CCDC136: variants seen among roughly 807,000 people sequenced by gnomAD.
The protein encoded by CCDC136 is coiled-coil domain-containing protein 136.
CCDC136 carries 100 observed loss-of-function variants against 141.2 expected under a neutral mutation model. That is an observed-to-expected ratio of 0.71 (90% CI 0.60 to 0.84). CCDC136 has a LOEUF of 0.84. Ranked by LOEUF, CCDC136 falls within the 40% of genes least tolerant of loss-of-function variation. The pLI is 0.00. For missense variants in CCDC136, 1,206 were observed against 1,379.4 expected, an observed-to-expected ratio of 0.87 and a Z score of 1.99; for synonymous variants, 474 against 531.9, an observed-to-expected ratio of 0.89 and a Z score of 1.50.
At chr7:128,815,572 C>A in intron 15 of CCDC136, 42 bp from the exon 16 acceptor site, 6 of 1,518,350 alleles carry the variant, frequency 4.0e-6, no homozygotes, top group Non-Finnish European at 5.3e-6. Flanking sequence ...AGGAGCTTCA[C>A]AGGTAACGCA....
intron 13 of CCDC136, 66 bp downstream of exon 13, chr7:128,812,378 C>T (rs1463356393): frequency 2.3e-5 from 35 of 1,501,296 alleles, no homozygotes; most frequent in Admixed American, 3.9e-5. Flanking sequence ...AGAGATACAT[C>T]GCCAGGGGAA....
rs1050024704 is a variant in CCDC136, at chr7:128,808,696, C to G, written c.1606-754C>G. The stretch of plus-strand genomic sequence containing the variant: ...AGGTTATTTGGGCCACCTCAGCAGT[C>G]TCTTTGCCTTTCTATATCCAGGCTC... On this transcript the variant is annotated intron_variant, in intron 10 of 17. Transcript: ENST00000297788. The G allele has an allele frequency of 7.7e-5, 76 of 985,452 alleles. No homozygotes were observed. In the African/African-American group the frequency reaches 1.2e-3, roughly 16 times the overall value. The allele number at this position is 985,452 out of a possible 1,614,324, so 61.0% of individuals were successfully genotyped here. A position where few individuals can be genotyped will look rare whatever the true frequency, so the allele number is the denominator to read the frequency against.
At chr7:128,799,939 A>G (rs1013426934) in intron 3 of CCDC136, among the ~76,000 whole-genome samples, 1 of 152,226 alleles carries the variant, frequency 6.6e-6, no homozygotes, top group African/African-American at 2.4e-5. Context: ...TTAACTCATT[A>G]TTTTGTAAAT....
In CCDC136 at chr7:128,817,204, C is replaced by T. The variant is rs547624375; in HGVS notation, c.3364-554C>T. On this transcript the variant is annotated intron_variant, in intron 16 of 17. Coordinates refer to ENST00000297788, the MANE Select transcript of CCDC136 (RefSeq NM_022742.5). The surrounding 1 kb of genome is among the most constrained non-coding windows in gnomAD (Gnocchi z 4.6). ...CATGTGTATTACCACCTTGCAAAAT[C>T]GGTTTCTCTCTGGAAGATTGTTGCA... 1.3e-5 allele frequency among the ~76,000 whole-genome samples: 2 copies of T among 152,282 alleles called. No homozygotes were observed. Among genetic ancestry groups the T allele is most frequent in the South Asian group, 4.1e-4 (2 of 4,824 alleles).
intron 10 of CCDC136, 80 bp from the exon 11 acceptor site, chr7:128,809,370 G>C (rs1805353432): frequency 1.1e-6 from 1 of 929,954 alleles, no homozygotes; most frequent in African/African-American, 1.6e-5. Flanking sequence ...AGGCAGGAGA[G>C]CGCAGAAGTG....
intron 14 of CCDC136, 137 bp downstream of exon 14, chr7:128,813,066 C>A: frequency 1.6e-6 from 1 of 633,892 alleles, no homozygotes; most frequent in Non-Finnish European, 2.8e-6. Flanking sequence ...CTGCTCCATC[C>A]CTGATGACAT....
In CCDC136 at chr7:128,811,797, CA is replaced by C. The variant is rs754201067; in HGVS notation, c.2029-2del. 4.5e-6 allele frequency: 7 copies of C among 1,566,684 alleles called. No homozygotes were observed. In the Admixed American group the frequency reaches 1.4e-4, roughly 31 times the overall value. ...GATACTGTCTCCCCACCCCTGCCCC[CA>C]GCAATCCAAGCTGCTCATGGAGCAG... On this transcript the variant is annotated splice_acceptor_variant, in intron 12 of 17. Transcript: ENST00000297788. LOFTEE classifies it high-confidence loss of function.
At position 128,792,188 on chromosome 7, in the gene CCDC136, G is replaced by A. The variant is rs1802274599; in HGVS notation, c.-224G>A. On this transcript the variant is annotated 5_prime_UTR_variant, in exon 1 of 18. Coordinates refer to ENST00000297788, the MANE Select transcript of CCDC136 (RefSeq NM_022742.5). ...AGGAGTCGCAGAGCCGCCAGAGTGA[G>A]TCAGGCACCTCCACTGGGATTACAG... is the stretch of plus-strand genomic sequence containing the variant. 6.9e-7 allele frequency: 1 copy of A among 1,459,714 alleles called. No individual in the cohort carries two copies. Among genetic ancestry groups the A allele is most frequent in the Non-Finnish European group, 9.0e-7 (1 of 1,112,952 alleles). 90.4% of individuals were successfully genotyped at this position (1,459,714 alleles called of 1,614,324 possible). A position where few individuals can be genotyped will look rare whatever the true frequency, so the allele number is the denominator to read the frequency against.
chr7:128,817,782 A>G lies in CCDC136; in HGVS notation c.3388A>G (p.Ile1130Val). The G allele has an allele frequency of 6.2e-7, 1 of 1,611,896 alleles. No homozygotes were observed. The highest frequency in any genetic ancestry group is 8.5e-7 in the Non-Finnish European group (1 of 1,179,244). The change falls in exon 17 of 18, where the codon ATC becomes GTC. Residue 1130 changes from isoleucine to valine, a missense_variant. Ile to Val is a conservative substitution (Grantham distance 29). Transcript: ENST00000297788. This position sits in a 1 kb window ranked among gnomAD's most constrained non-coding sequence, Gnocchi z 4.6. ...GTCATCCCCTACCCCCAATCCCCCC[A>G]TCTTCTCCTTGCCTCTTGTAGGCCT... is the stretch of plus-strand genomic sequence containing the variant. ...KKSSPTPNPP[I>V]FSLPLVGLVV...
intron 16 of CCDC136, among the ~76,000 whole-genome samples, chr7:128,816,818 A>G (rs1444579301): frequency 5.9e-5 from 9 of 152,214 alleles, no homozygotes; most frequent in African/African-American, 2.2e-4. Flanking sequence ...GAGGTAAAGA[A>G]AAAAAGCCTC....
chr7:128,820,049 G>GTTC lies in CCDC136; in HGVS notation c.*6-1748_*6-1747insCTT, dbSNP rs1807226439. ...TAGTTCATTGTTCTTACCTTATAAG[G>GTTC]TTTTGTGTGTATGTGTTTTTAATCT... is the stretch of plus-strand genomic sequence containing the variant. On this transcript the variant is annotated intron_variant, in intron 17 of 17. Coordinates refer to ENST00000297788, the MANE Select transcript of CCDC136 (RefSeq NM_022742.5). Among the ~76,000 whole-genome samples the GTTC allele has an allele frequency of 2.0e-5, 3 of 152,082 alleles. 1 individual carries two copies. Among genetic ancestry groups the GTTC allele is most frequent in the African/African-American group, 7.2e-5 (3 of 41,390 alleles).
rs750973325 is a variant in CCDC136, at chr7:128,807,311, AGCAGCAG to A, written c.1420-47_1420-41del. The A allele has an allele frequency of 3.2e-5, 43 of 1,348,048 alleles. No individual in the cohort carries two copies. In the African/African-American group the frequency reaches 6.0e-4, roughly 19 times the overall value. 83.5% of individuals were successfully genotyped at this position (1,348,048 alleles called of 1,614,324 possible). On this transcript the variant is annotated intron_variant, in intron 9 of 17. Transcript: ENST00000297788. ...GTCCCCGCCTGGGAGGAGAGAGTCC[AGCAGCAG>A]GAGTGCCTGGGATGATGGCCAGGCC...
intron 7 of CCDC136, 103 bp from the exon 8 acceptor site, chr7:128,806,134 A>G: frequency 1.8e-6 from 2 of 1,111,812 alleles, no homozygotes; most frequent in Admixed American, 2.8e-5. Flanking sequence ...GACCTGTGGG[A>G]GCTCCTCAAG....
chr7:128,803,989 AT>A (rs1804447607), intron 4 of CCDC136, among the ~76,000 whole-genome samples: 1 of 151,964 alleles, frequency 6.6e-6, no homozygotes, highest in African/African-American at 2.4e-5. Flanking sequence ...TACTTTTTGT[AT>A]TTTTAGTAGA....
chr7:128,808,466 C>G, intron 10 of CCDC136: 1 of 984,642 alleles, frequency 1.0e-6, no homozygotes, highest in Non-Finnish European at 1.2e-6. Flanking sequence ...TTTTCTTTTC[C>G]ATAGTGTATA....
At chr7:128,791,689 C>T (rs1802188392), upstream of CCDC136, 2 of 546,754 alleles carry the variant, frequency 3.7e-6, no homozygotes, top group East Asian at 7.1e-5. This position sits in a 1 kb window ranked among gnomAD's most constrained non-coding sequence, Gnocchi z 7.1. Context: ...CCATCCTGGC[C>T]TCCACCGGGG....
At chr7:128,801,861 A>G (rs1804081981) in intron 4 of CCDC136, among the ~76,000 whole-genome samples, 2 of 152,258 alleles carry the variant, frequency 1.3e-5, no homozygotes, top group African/African-American at 4.8e-5. Flanking sequence ...GGTGTAAGAA[A>G]TAGCACCATG....
chr7:128,821,834 G>T lies in CCDC136; in HGVS notation c.*41G>T, dbSNP rs1441904462. ...GGTTGTGGAAGCCTATGGTATTCTTGGCTATTGCAGCTGTGGCTCTGTATG... is the reference window on the plus strand; with the variant it reads ...GGTTGTGGAAGCCTATGGTATTCTTTGCTATTGCAGCTGTGGCTCTGTATG... On this transcript the variant is annotated 3_prime_UTR_variant, in exon 18 of 18. Transcript: ENST00000297788. The surrounding 1 kb of genome is among the most constrained non-coding windows in gnomAD (Gnocchi z 5.1). 4.6e-6 allele frequency: 6 copies of T among 1,290,362 alleles called. No homozygotes were observed. In the Admixed American group the frequency reaches 9.2e-5, roughly 20 times the overall value. 79.9% of individuals were successfully genotyped at this position (1,290,362 alleles called of 1,614,324 possible).
chr7:128,791,547 C>A, upstream of CCDC136: 6 of 1,280,834 alleles, frequency 4.7e-6, no homozygotes, highest in Non-Finnish European at 4.9e-6. The surrounding 1 kb of genome is among the most constrained non-coding windows in gnomAD (Gnocchi z 7.1). Flanking sequence ...GCTGCCCGGG[C>A]CCAGGTCAGA....
Sources: gnomAD v4.1 joint callset for allele counts (sites outside exome capture counted in the v4.1 genomes callset) on GRCh38, gnomAD v4.1.1 for gene constraint, Gnocchi (gnomAD v3.1) non-coding constraint, MANE v1.5 for transcripts, NCBI Gene and HGNC (gene_info 2026-07-23, HGNC 2026-07-21) for gene names.